C2orf76: variants seen among roughly 807,000 people sequenced by gnomAD.
C2orf76 encodes the protein chromosome 2 open reading frame 76.
Under a neutral mutation model 16.9 loss-of-function variants are expected in C2orf76, and 23 were observed. The observed-to-expected ratio is 1.36, with a 90% CI of 0.98 to 1.93. C2orf76 has a LOEUF of 1.93. Among genes scored for constraint, C2orf76 ranks in the 30% most tolerant of loss-of-function variants. The probability of loss-of-function intolerance (pLI) is 0.00; values close to 1 mark genes in which losing one functional copy is unlikely to be tolerated. For synonymous variants in C2orf76, 48 were observed against 52.3 expected (o/e 0.92, Z 0.35); for missense variants, 152 against 152.6 (o/e 1.00, Z 0.02).
intron 1 of C2orf76, 123 bp downstream of exon 1, chr2:119,366,667 G>T: frequency 2.3e-6 from 1 of 438,454 alleles, no homozygotes; most frequent in Non-Finnish European, 4.3e-6. Flanking sequence ...AAGGACCTCC[G>T]TTCTTCGGTC....
the C2orf76 span, among the ~76,000 whole-genome samples, chr2:119,284,789 G>A: frequency 6.6e-6 from 1 of 150,798 alleles, no homozygotes; most frequent in African/African-American, 2.4e-5. Context: ...ATGGGTATTT[G>A]TCAACAGAAT....
rs973398382 is a variant in C2orf76, at chr2:119,311,300, G to A, written c.304+322C>T. On this transcript the variant is annotated intron_variant, in intron 5 of 5. Transcript: ENST00000334816. ...CTATGTCCATTTCTCTCCAACCATC[G>A]GCTCAAGTGACAATGATAAGAGTAA... is the stretch of plus-strand genomic sequence containing the variant. 1.7e-5 allele frequency: 17 copies of A among 985,200 alleles called. No homozygotes were observed. The African/African-American group carries it at 2.6e-4, about 15-fold the overall frequency. 61.0% of individuals were successfully genotyped at this position (985,200 alleles called of 1,614,324 possible). A position where few individuals can be genotyped will look rare whatever the true frequency, so the allele number is the denominator to read the frequency against.
chr2:119,315,756 T>G (rs1225495769), intron 4 of C2orf76, among the ~76,000 whole-genome samples: 1 of 152,196 alleles, frequency 6.6e-6, no homozygotes, highest in Non-Finnish European at 1.5e-5. Context: ...AGTCCTCCCT[T>G]AAACAAATAC....
rs1032111040 is a variant in C2orf76 at position 119,334,567 on chromosome 2, G to A, written c.133+5260C>T. ...TAGCCAGGCATGGTGGCATGCATCA[G>A]TAGTCCCAGCTACTCAGGAGGCTAT... On this transcript the variant is annotated intron_variant, in intron 2 of 5. Transcript: ENST00000334816. 1.3e-5 allele frequency among the ~76,000 whole-genome samples: 2 copies of A among 151,646 alleles called. 1 individual carries two copies. Among genetic ancestry groups the A allele is most frequent in the South Asian group, 4.2e-4 (2 of 4,804 alleles).
At chr2:119,291,079 G>A in the C2orf76 span, among the ~76,000 whole-genome samples, 1 of 151,970 alleles carries the variant, frequency 6.6e-6, no homozygotes. Flanking sequence ...TGAAGGGTAG[G>A]CAAAGGCGGA....
At position 119,318,050 on chromosome 2, in the gene C2orf76, C is replaced by T. The variant is rs374588561; in HGVS notation, c.185-547G>A. 5.3e-5 allele frequency among the ~76,000 whole-genome samples: 8 copies of T among 152,140 alleles called. No homozygotes were observed. In the South Asian group the frequency reaches 1.7e-3, roughly 32 times the overall value. On this transcript the variant is annotated intron_variant, in intron 3 of 5. Transcript: ENST00000334816. Reference sequence around the variant, plus strand: ...ATATCACTATCTGTCTCTTGGTTTGCAAATACTGCACAGGCTCACACCATT... The same window carrying T: ...ATATCACTATCTGTCTCTTGGTTTGTAAATACTGCACAGGCTCACACCATT...
At chr2:119,284,319 A>G in the C2orf76 span, among the ~76,000 whole-genome samples, 5 of 150,946 alleles carry the variant, frequency 3.3e-5, no homozygotes, top group African/African-American at 1.2e-4. Flanking sequence ...TTCAATGCTG[A>G]CACACCACAA....
intron 5 of C2orf76, among the ~76,000 whole-genome samples, chr2:119,305,953 A>C (rs1355347274): frequency 2.6e-5 from 4 of 151,938 alleles, no homozygotes; most frequent in Admixed American, 6.5e-5. Context: ...AAAAAAAAAA[A>C]AAAACAAAAA....
chr2:119,290,393 T>C, the C2orf76 span, among the ~76,000 whole-genome samples: 2 of 152,052 alleles, frequency 1.3e-5, no homozygotes, highest in African/African-American at 4.8e-5. Context: ...TTCCAAAGCG[T>C]TGACACATTA....
intron 5 of C2orf76, among the ~76,000 whole-genome samples, chr2:119,304,656 C>T (rs911753226): frequency 1.3e-5 from 2 of 152,184 alleles, no homozygotes; most frequent in Non-Finnish European, 2.9e-5. Flanking sequence ...AAATTTTTCA[C>T]CCTTAACAAA....
intron 5 of C2orf76, among the ~76,000 whole-genome samples, chr2:119,305,099 G>A (rs1485283883): frequency 1.3e-5 from 2 of 152,152 alleles, no homozygotes; most frequent in Non-Finnish European, 2.9e-5. Flanking sequence ...AAATGAATGT[G>A]CAATCTAAAA....
the C2orf76 span, among the ~76,000 whole-genome samples, chr2:119,290,138 A>G: frequency 2.0e-4 from 30 of 151,866 alleles, no homozygotes; most frequent in Admixed American, 7.2e-4. Context: ...AGCTCTGGGC[A>G]CTGCTTACAG....
chr2:119,323,772 A>AG (rs537030790), intron 2 of C2orf76, among the ~76,000 whole-genome samples: 39 of 152,344 alleles, frequency 2.6e-4, no homozygotes, highest in Middle Eastern at 6.8e-3. Flanking sequence ...CGCCCATCAA[A>AG]GGGGGCTCTG....
At chr2:119,319,357 AGCAGAGAGAT>A (rs1405912112) in intron 3 of C2orf76, among the ~76,000 whole-genome samples, 1 of 152,216 alleles carries the variant, frequency 6.6e-6, no homozygotes, top group African/African-American at 2.4e-5. Context: ...ATGACAAACC[AGCAGAGAGAT>A]GTATTACTGT....
intron 2 of C2orf76, among the ~76,000 whole-genome samples, chr2:119,339,302 G>A (rs1679948418): frequency 6.6e-6 from 1 of 152,126 alleles, no homozygotes; most frequent in African/African-American, 2.4e-5. Flanking sequence ...ACCCATTGAG[G>A]ACATAACAGA....
At chr2:119,281,622 C>T in the C2orf76 span, among the ~76,000 whole-genome samples, 4,753 of 152,180 alleles carry the variant, frequency 0.031, 88 homozygotes, top group South Asian at 0.082. Flanking sequence ...GCTATATAAG[C>T]GTTTGCTAAA....
intron 1 of C2orf76, among the ~76,000 whole-genome samples, chr2:119,344,804 C>G (rs1026942488): frequency 6.6e-6 from 1 of 152,080 alleles, no homozygotes; most frequent in African/African-American, 2.4e-5. Flanking sequence ...AATATAAAAT[C>G]GGATACTGGA....
chr2:119,317,852 T>C (rs999930819), intron 3 of C2orf76, among the ~76,000 whole-genome samples: 2 of 76,622 alleles, frequency 2.6e-5, no homozygotes, highest in African/African-American at 1.4e-4. Flanking sequence ...TAGCAAATAA[T>C]GTAAAAAAAA....
downstream of C2orf76, among the ~76,000 whole-genome samples, chr2:119,301,603 C>T (rs544797645): frequency 1.3e-5 from 2 of 152,264 alleles, no homozygotes; most frequent in South Asian, 4.2e-4. Context: ...GCAGAGCTAG[C>T]TAAGCTCTCC....
Sources: gnomAD v4.1 joint callset for allele counts (sites outside exome capture counted in the v4.1 genomes callset) on GRCh38, gnomAD v4.1.1 for gene constraint, MANE v1.5 for transcripts, NCBI Gene and HGNC (gene_info 2026-07-23, HGNC 2026-07-21) for gene names.